Variants in ELF2 observed in about 807,000 individuals in gnomAD.
ELF2 encodes the protein ETS-related transcription factor Elf-2.
Under a neutral mutation model 54.8 loss-of-function variants are expected in ELF2, and 11 were observed. The observed-to-expected ratio is 0.20, with a 90% CI of 0.13 to 0.33. The LOEUF (loss-of-function observed/expected upper bound fraction) is 0.33. Among genes scored for constraint, ELF2 ranks in the 10% least tolerant of loss-of-function variants. The pLI is 1.00. For missense variants in ELF2, 513 were observed against 703.0 expected (o/e 0.73, Z 3.06); for synonymous variants, 203 against 245.1 (o/e 0.83, Z 1.61).
At chr4:139,174,476 G>A (rs1186479394) in intron 1 of ELF2, among the ~76,000 whole-genome samples, 1 of 152,016 alleles carries the variant, frequency 6.6e-6, no homozygotes, top group East Asian at 1.9e-4. Context: ...CTCTTTTGGG[G>A]GATGATTAAA....
chr4:139,119,435 A>G (rs1736090775), intron 4 of ELF2, among the ~76,000 whole-genome samples: 1 of 152,148 alleles, frequency 6.6e-6, no homozygotes, highest in African/African-American at 2.4e-5. Context: ...GAGTTTGGTC[A>G]ATGGCGTACC....
intron 3 of ELF2, among the ~76,000 whole-genome samples, chr4:139,134,273 CT>C (rs1737863491): frequency 6.6e-6 from 1 of 151,856 alleles, no homozygotes; most frequent in Non-Finnish European, 1.5e-5. Context: ...ATTCATTAAA[CT>C]TACCTTCCTG....
intron 4 of ELF2, among the ~76,000 whole-genome samples, chr4:139,078,773 C>T (rs1162362630): frequency 1.3e-5 from 2 of 151,860 alleles, no homozygotes; most frequent in Non-Finnish European, 2.9e-5. Context: ...TATCCTCCGA[C>T]CTTTTTTATC....
chr4:139,150,290 C>A (rs922873733), intron 1 of ELF2, among the ~76,000 whole-genome samples: 2 of 151,512 alleles, frequency 1.3e-5, no homozygotes, highest in African/African-American at 2.4e-5. Context: ...TTGCTTGAAC[C>A]CGGGTGGCAG....
chr4:139,165,166 T>G (rs995121773), intron 1 of ELF2, among the ~76,000 whole-genome samples: 2 of 152,232 alleles, frequency 1.3e-5, no homozygotes, highest in Non-Finnish European at 2.9e-5. Context: ...TTAGGAAAAC[T>G]GGGCTTTAGA....
intron 7 of ELF2, among the ~76,000 whole-genome samples, chr4:139,063,033 A>G (rs6535855): frequency 1 from 152,233 of 152,308 alleles, 76,079 homozygotes; most frequent in Middle Eastern, 1. Context: ...GGAGGCGGGC[A>G]TATCACGTGA....
In ELF2 at chr4:139,084,223, T is replaced by C. The variant is rs200285853; in HGVS notation, c.239-10656A>G. 10 of 1,612,242 alleles carry C rather than the reference T, an allele frequency of 6.2e-6. No homozygotes were observed. The African/African-American group carries it at 1.2e-4, about 19-fold the overall frequency. ...CCGGGGCTGGAGCTGCTGCTTCACA[T>C]TGACTTACACCGTGAGCAGCGGCGG... On this transcript the variant is annotated intron_variant, in intron 4 of 9. Coordinates refer to ENST00000686138, the MANE Select transcript of ELF2 (RefSeq NM_001331036.3).
At chr4:139,112,770 T>A (rs1162348834) in intron 4 of ELF2, among the ~76,000 whole-genome samples, 1 of 152,170 alleles carries the variant, frequency 6.6e-6, no homozygotes, top group African/African-American at 2.4e-5. Context: ...ATAGCAAAAT[T>A]AAAAGTTAAC....
intron 7 of ELF2, among the ~76,000 whole-genome samples, chr4:139,063,845 T>G (rs555401761): frequency 1.3e-5 from 2 of 151,076 alleles, no homozygotes; most frequent in African/African-American, 4.9e-5. Flanking sequence ...CAAAAAGGAA[T>G]CTGGGCAAGT....
At chr4:139,109,894 A>G (rs1734786086) in intron 4 of ELF2, among the ~76,000 whole-genome samples, 1 of 152,224 alleles carries the variant, frequency 6.6e-6, no homozygotes, top group South Asian at 2.1e-4. Flanking sequence ...TGTGTTCACT[A>G]TCTGGGTGAT....
intron 1 of ELF2, among the ~76,000 whole-genome samples, chr4:139,172,537 T>C (rs538515784): frequency 3.3e-5 from 5 of 152,056 alleles, no homozygotes; most frequent in Admixed American, 2.0e-4. Flanking sequence ...TTATTTTACT[T>C]AACAATGGCT....
At chr4:139,105,702 TACAG>T (rs1360527414) in intron 4 of ELF2, among the ~76,000 whole-genome samples, 1 of 152,082 alleles carries the variant, frequency 6.6e-6, no homozygotes, top group Non-Finnish European at 1.5e-5. Context: ...CTGGGCAACA[TACAG>T]AGATTCCATC....
At position 139,092,414 on chromosome 4, in the gene ELF2, T is replaced by TACATA. The variant is rs1553959669; in HGVS notation, c.239-18852_239-18848dup. ...TAACATAACATAACATAACATAACA[T>TACATA]ACATAACATAACATAACATAACATA... On this transcript the variant is annotated intron_variant, in intron 4 of 9. Coordinates refer to ENST00000686138, the MANE Select transcript of ELF2 (RefSeq NM_001331036.3). 7.0e-3 allele frequency among the ~76,000 whole-genome samples: 613 copies of TACATA among 87,768 alleles called. 8 individuals carry two copies. The highest frequency in any genetic ancestry group is 0.018 in the African/African-American group (428 of 23,316). 57.6% of individuals were successfully genotyped at this position (87,768 alleles called of 152,430 possible). A position where few individuals can be genotyped will look rare whatever the true frequency, so the allele number is the denominator to read the frequency against.
rs1490585044 is a variant in ELF2 at position 139,166,399 on chromosome 4, T to C, written c.-252+10568A>G. 2.0e-5 allele frequency among the ~76,000 whole-genome samples: 3 copies of C among 151,848 alleles called. No individual in the cohort carries two copies. In the East Asian group the frequency reaches 5.8e-4, roughly 30 times the overall value. On this transcript the variant is annotated intron_variant, in intron 1 of 9. Transcript: ENST00000686138. The stretch of plus-strand genomic sequence containing the variant: ...CAAACTGTCTCAAAAAATAAATAAG[T>C]AAAATTTAAAAATAAATAAAAATAA...
Position 139,151,092 on chromosome 4 carries a change from GAAAA to G in ELF2, c.-251-11599_-251-11596del, listed in dbSNP as rs1161472762. On this transcript the variant is annotated intron_variant, in intron 1 of 9. Transcript: ENST00000686138. The stretch of plus-strand genomic sequence containing the variant: ...AGAAAGAAAGAAAGAAAGAAAGAAA[GAAAA>G]AGAGAGCTATTTAATAAATTGTGCT... 4.0e-3 allele frequency among the ~76,000 whole-genome samples: 558 copies of G among 140,574 alleles called. 15 individuals carry two copies. Among genetic ancestry groups the G allele is most frequent in the Non-Finnish European group, 6.2e-3 (396 of 63,824 alleles). The allele number at this position is 140,574 out of a possible 152,430, so 92.2% of individuals were successfully genotyped here.
intron 1 of ELF2, among the ~76,000 whole-genome samples, chr4:139,176,065 C>T (rs1383422874): frequency 6.6e-6 from 1 of 152,206 alleles, no homozygotes; most frequent in East Asian, 1.9e-4. Flanking sequence ...GAGTCAGCAT[C>T]CAGCCCTGGC....
intron 4 of ELF2, chr4:139,102,126 T>C (rs1051128872): frequency 6.6e-6 from 1 of 152,126 alleles, no homozygotes; most frequent in Non-Finnish European, 1.5e-5. Context: ...TCAGTAATTA[T>C]TCTAAATCCT....
intron 1 of ELF2, among the ~76,000 whole-genome samples, chr4:139,142,129 G>A (rs1738764511): frequency 1.3e-5 from 2 of 152,210 alleles, no homozygotes; most frequent in South Asian, 4.1e-4. Flanking sequence ...CATACCTGTA[G>A]ATGGTGATGA....
chr4:139,125,356 C>T, intron 3 of ELF2, 27 bp from the exon 4 acceptor site: 7 of 1,601,320 alleles, frequency 4.4e-6, no homozygotes, highest in Non-Finnish European at 5.9e-6. Flanking sequence ...AAAGAACAAT[C>T]AACCTTTGTA....
Sources: gnomAD v4.1 joint callset for allele counts (sites outside exome capture counted in the v4.1 genomes callset) on GRCh38, gnomAD v4.1.1 for gene constraint, MANE v1.5 for transcripts, NCBI Gene and HGNC (gene_info 2026-07-23, HGNC 2026-07-21) for gene names.